Variants in CUBN observed in about 807,000 individuals in gnomAD.
CUBN encodes cubilin.
Under a neutral mutation model 405.3 loss-of-function variants are expected in CUBN, and 282 were observed. The observed-to-expected ratio is 0.70, with a 90% CI of 0.63 to 0.77. The LOEUF (loss-of-function observed/expected upper bound fraction) is 0.77, where lower values mean the gene tolerates loss of function less well. Among genes scored for constraint, CUBN ranks in the 30% least tolerant of loss-of-function variants. The probability of loss-of-function intolerance (pLI) is 0.00; values close to 1 mark genes in which losing one functional copy is unlikely to be tolerated. For synonymous variants in CUBN, 1,684 were observed against 1,617.0 expected, an observed-to-expected ratio of 1.04 and a Z score of -0.99; for missense variants, 4,514 against 4,475.2, an observed-to-expected ratio of 1.01 and a Z score of -0.25.
intron 31 of CUBN, among the ~76,000 whole-genome samples, chr10:16,967,594 G>A (rs1224536209): frequency 6.6e-6 from 1 of 151,986 alleles, no homozygotes; most frequent in African/African-American, 2.4e-5. Flanking sequence ...CAAGATAAAC[G>A]TTTGAAAAAG....
chr10:16,970,344 G>A (rs981451422), intron 31 of CUBN, among the ~76,000 whole-genome samples: 1 of 152,188 alleles, frequency 6.6e-6, no homozygotes, highest in African/African-American at 2.4e-5. Context: ...AGAGGCCGAG[G>A]CGGGTGGATC....
At chr10:16,988,259 GCC>G (rs1833485641) in intron 29 of CUBN, among the ~76,000 whole-genome samples, 1 of 152,216 alleles carries the variant, frequency 6.6e-6, no homozygotes, top group African/African-American at 2.4e-5. Flanking sequence ...TCCACCTCCA[GCC>G]CTTTGTAAGT....
chr10:16,866,571 T>A (rs1306764868), intron 59 of CUBN, among the ~76,000 whole-genome samples: 1 of 152,222 alleles, frequency 6.6e-6, no homozygotes, highest in African/African-American at 2.4e-5. Flanking sequence ...TATAGGAGCA[T>A]AGAAGCCATT....
chr10:17,103,841 AG>A (rs1170299815), intron 12 of CUBN, among the ~76,000 whole-genome samples: 1 of 152,226 alleles, frequency 6.6e-6, no homozygotes, highest in Non-Finnish European at 1.5e-5. Flanking sequence ...GTTTATCGGG[AG>A]AAACATTCCA....
intron 6 of CUBN, 36 bp downstream of exon 6, chr10:17,122,759 A>T (rs1161380676): frequency 1.8e-6 from 2 of 1,137,160 alleles, no homozygotes; most frequent in Non-Finnish European, 2.4e-6. Flanking sequence ...CTTCAAAAAT[A>T]TACTGATATT....
intron 50 of CUBN, among the ~76,000 whole-genome samples, chr10:16,905,311 C>A (rs1261915025): frequency 6.6e-6 from 1 of 152,136 alleles, no homozygotes; most frequent in African/African-American, 2.4e-5. Context: ...AAAATTGATT[C>A]ATCCTCTTTG....
At chr10:17,106,920 A>T (rs1836647544) in intron 10 of CUBN, among the ~76,000 whole-genome samples, 1 of 152,232 alleles carries the variant, frequency 6.6e-6, no homozygotes, top group African/African-American at 2.4e-5. Context: ...CAGATTGAAG[A>T]TAATATAGTA....
Position 16,913,821 on chromosome 10 carries a change from T to A in CUBN, c.7523A>T (p.Glu2508Val), listed in dbSNP as rs1841801218. 1 of 1,613,492 alleles carries A rather than the reference T, an allele frequency of 6.2e-7. No homozygotes were observed. Among genetic ancestry groups the A allele is most frequent in the Admixed American group, 1.7e-5 (1 of 59,994 alleles). Residue 2508 changes from glutamate to valine, a missense_variant, in exon 48 of 67, where the codon GAG becomes GTG. Physicochemically the swap from Glu to Val is moderately radical, Grantham distance 121. This residue lies in a region of CUBN where 1,613 missense variants were observed against 1,542.8 expected (regional missense o/e 1.05). Transcript: ENST00000377833. The stretch of plus-strand genomic sequence containing the variant: ...GCAGGGAACACTTACTATCACATGC[T>A]CATTGTTGCAGGACGGATGCGTGGC... ...RLATHPSCNN[E>V]HVIVFNGIRS...
intron 31 of CUBN, among the ~76,000 whole-genome samples, chr10:16,961,131 G>C (rs1843205422): frequency 6.6e-6 from 1 of 152,162 alleles, no homozygotes; most frequent in South Asian, 2.1e-4. Context: ...CTGGCATACA[G>C]TGGTGTGACA....
chr10:17,103,206 T>C lies in CUBN; in HGVS notation c.1449A>G (p.Gly483=). The change falls in exon 13 of 67, where the codon GGA becomes GGG. Residue 483 remains glycine (G), a synonymous_variant. Coordinates refer to ENST00000377833, the MANE Select transcript of CUBN (RefSeq NM_001081.4). ...VCGESLSGIN[G]SFSYRSPDVG... is the part of the protein sequence containing the mutation. ...CATCCGGGCTCCTGTAGCTGAAGCT[T>C]CCATTTATTCCTGAGAGGGACTCTC... 6.2e-7 allele frequency: 1 copy of C among 1,613,416 alleles called. No individual in the cohort carries two copies. Among genetic ancestry groups the C allele is most frequent in the South Asian group, 1.1e-5 (1 of 91,064 alleles).
chr10:16,944,738 A>T (rs1339903809), intron 36 of CUBN, among the ~76,000 whole-genome samples: 1 of 152,244 alleles, frequency 6.6e-6, no homozygotes, highest in Non-Finnish European at 1.5e-5. Flanking sequence ...ACGATGTTCT[A>T]TATGGTAATT....
At chr10:17,128,367 T>C (rs1010435466) in intron 2 of CUBN, among the ~76,000 whole-genome samples, 3 of 152,328 alleles carry the variant, frequency 2.0e-5, no homozygotes, top group South Asian at 2.1e-4. Context: ...ATAACATCCA[T>C]ACGGTGCTAA....
intron 17 of CUBN, 151 bp downstream of exon 17, chr10:17,084,120 A>G (rs1367710361): frequency 2.7e-6 from 2 of 731,350 alleles, no homozygotes; most frequent in African/African-American, 3.5e-5. Flanking sequence ...CCTGCACCTT[A>G]GTCATTAGAG....
intron 27 of CUBN, among the ~76,000 whole-genome samples, chr10:17,037,667 A>T (rs1367392423): frequency 2.6e-5 from 4 of 152,362 alleles, no homozygotes; most frequent in African/African-American, 9.6e-5. Context: ...TGTCCCACAC[A>T]CGTGAACTAG....
At chr10:16,831,133 TTAACA>T (rs1838977785) in intron 65 of CUBN, 114 bp downstream of exon 65, 30 of 893,078 alleles carry the variant, frequency 3.4e-5, no homozygotes, top group Non-Finnish European at 5.2e-5. Flanking sequence ...ATCTCTATTC[TTAACA>T]TAAACTAATC....
intron 36 of CUBN, among the ~76,000 whole-genome samples, chr10:16,945,767 CA>C (rs61141075): frequency 0.33 from 27,288 of 81,672 alleles, 3,119 homozygotes; most frequent in African/African-American, 0.53. Flanking sequence ...ACTGTGTCTC[CA>C]AAAAAAAAAA....
At chr10:16,862,139 C>T (rs1439789321) in intron 59 of CUBN, among the ~76,000 whole-genome samples, 1 of 124,650 alleles carries the variant, frequency 8.0e-6, no homozygotes, top group Non-Finnish European at 1.6e-5. Context: ...CAGAGTGAGA[C>T]TCCGTCTCTC....
At chr10:16,869,164 A>ATTTTTTTT (rs72310717) in intron 59 of CUBN, among the ~76,000 whole-genome samples, 8 of 121,156 alleles carry the variant, frequency 6.6e-5, no homozygotes, top group Admixed American at 1.7e-4. Context: ...TACCAAAGTG[A>ATTTTTTTT]TTTTTTTTTT....
chr10:17,019,590 A>G (rs1405699805), intron 28 of CUBN, among the ~76,000 whole-genome samples: 1 of 152,146 alleles, frequency 6.6e-6, no homozygotes, highest in African/African-American at 2.4e-5. Context: ...AAGGCAATTT[A>G]TTACTACACC....
Sources: gnomAD v4.1 joint callset for allele counts (sites outside exome capture counted in the v4.1 genomes callset) on GRCh38, gnomAD v4.1.1 for gene constraint, gnomAD v4.1.1 regional missense constraint, MANE v1.5 for transcripts, NCBI Gene and HGNC (gene_info 2026-07-23, HGNC 2026-07-21) for gene names.